Variants in PHKB observed in about 807,000 individuals in gnomAD.
PHKB encodes phosphorylase kinase regulatory subunit beta.
In PHKB, 122 loss-of-function variants were observed where a neutral mutation model predicts 152.1. The ratio of observed to expected loss-of-function variants is 0.80; its 90% CI spans 0.69 to 0.93. PHKB has a LOEUF of 0.93. Ranked by LOEUF, PHKB falls within the 40% of genes least tolerant of loss-of-function variation. The pLI is 0.00. For synonymous variants in PHKB, 436 were observed against 464.9 expected, an observed-to-expected ratio of 0.94 and a Z score of 0.80; for missense variants, 1,304 against 1,328.4, an observed-to-expected ratio of 0.98 and a Z score of 0.29.
At chr16:47,475,667 A>G (rs1472220991) in intron 1 of PHKB, among the ~76,000 whole-genome samples, 2 of 152,218 alleles carry the variant, frequency 1.3e-5, no homozygotes, top group Non-Finnish European at 2.9e-5. Flanking sequence ...TCTCTTAGCA[A>G]ATTCCCATGC....
intron 26 of PHKB, among the ~76,000 whole-genome samples, chr16:47,669,852 A>G (rs954497727): frequency 4.6e-5 from 7 of 152,246 alleles, no homozygotes; most frequent in African/African-American, 1.7e-4. Context: ...ACTGAAATCT[A>G]TTAATTGATT....
Position 47,660,850 on chromosome 16 carries a change from A to C in PHKB, c.2196+31A>C, listed in dbSNP as rs147885836. 5.0e-3 allele frequency: 7,994 copies of C among 1,610,562 alleles called. 34 individuals carry two copies. Among genetic ancestry groups the C allele is most frequent in the Admixed American group, 5.9e-3 (352 of 59,964 alleles). Reference sequence around the variant, plus strand: ...ACAGATGCACTTCCCACATGGCCCTAAGTGAGGTTGCTGGAGCAGAAGCTC... The same window carrying C: ...ACAGATGCACTTCCCACATGGCCCTCAGTGAGGTTGCTGGAGCAGAAGCTC... On this transcript the variant is annotated intron_variant, in intron 22 of 30. Coordinates refer to ENST00000323584, the MANE Select transcript of PHKB (RefSeq NM_000293.3).
chr16:47,500,780 G>T (rs1283511586), intron 3 of PHKB, among the ~76,000 whole-genome samples: 2 of 151,896 alleles, frequency 1.3e-5, no homozygotes, highest in East Asian at 3.9e-4. Flanking sequence ...ACTGAATGTG[G>T]ATGCTAACAC....
At chr16:47,538,780 T>C (rs998237876) in intron 6 of PHKB, among the ~76,000 whole-genome samples, 6 of 152,228 alleles carry the variant, frequency 3.9e-5, no homozygotes, top group Non-Finnish European at 7.3e-5. Flanking sequence ...TGCTTTGATT[T>C]CTCCACCAGT....
intron 12 of PHKB, among the ~76,000 whole-genome samples, chr16:47,596,013 C>A (rs1228403413): frequency 6.6e-6 from 1 of 152,096 alleles, no homozygotes; most frequent in South Asian, 2.1e-4. Context: ...GTATCCCCAC[C>A]CAAAGCTCAG....
chr16:47,488,804 G>A (rs1190319397), intron 1 of PHKB, among the ~76,000 whole-genome samples: 2 of 152,128 alleles, frequency 1.3e-5, no homozygotes, highest in Non-Finnish European at 2.9e-5. Context: ...ATTGGTCTAT[G>A]TGTCTGTTTT....
intron 27 of PHKB, among the ~76,000 whole-genome samples, chr16:47,692,069 A>G (rs1362934371): frequency 2.6e-5 from 4 of 152,230 alleles, no homozygotes; most frequent in African/African-American, 9.6e-5. Context: ...CACTTTGGTG[A>G]AACACTAAAG....
At chr16:47,616,385 A>G (rs1972514272) in intron 14 of PHKB, among the ~76,000 whole-genome samples, 1 of 150,586 alleles carries the variant, frequency 6.6e-6, no homozygotes, top group East Asian at 1.9e-4. Flanking sequence ...CATTCTTTGT[A>G]TGTGGTTATC....
intron 14 of PHKB, among the ~76,000 whole-genome samples, chr16:47,621,904 AGAAAAGTT>A (rs1469929220): frequency 6.6e-6 from 1 of 152,202 alleles, no homozygotes; most frequent in Non-Finnish European, 1.5e-5. Flanking sequence ...TCCAGAACTG[AGAAAAGTT>A]GAATTGGAAG....
chr16:47,665,505 G>A (rs1187188233), intron 25 of PHKB: 1 of 254,158 alleles, frequency 3.9e-6, no homozygotes, highest in Non-Finnish European at 7.7e-6. Context: ...CCAGAGATTT[G>A]GTTATCTAGG....
At chr16:47,632,396 T>A (rs1972843516) in intron 14 of PHKB, among the ~76,000 whole-genome samples, 1 of 151,952 alleles carries the variant, frequency 6.6e-6, no homozygotes, top group Non-Finnish European at 1.5e-5. Context: ...GCAGTTAGAG[T>A]GAAAATGAGG....
chr16:47,526,448 A>T (rs992855317), intron 6 of PHKB, among the ~76,000 whole-genome samples: 1 of 151,968 alleles, frequency 6.6e-6, no homozygotes, highest in African/African-American at 2.4e-5. Flanking sequence ...GATAAGCTCA[A>T]CCTTCAGTTC....
intron 8 of PHKB, 50 bp from the exon 9 acceptor site, chr16:47,587,618 A>G (rs375331612): frequency 7.9e-6 from 11 of 1,400,584 alleles, no homozygotes; most frequent in East Asian, 6.9e-5. Flanking sequence ...CCAAAGTTCT[A>G]CAAGTCTTTT....
intron 14 of PHKB, among the ~76,000 whole-genome samples, chr16:47,631,007 G>A (rs537089440): frequency 4.6e-5 from 7 of 151,944 alleles, no homozygotes; most frequent in Non-Finnish European, 8.8e-5. Context: ...TTAGGCCTTC[G>A]GACTCAGACT....
intron 13 of PHKB, among the ~76,000 whole-genome samples, chr16:47,606,908 G>A (rs1972335048): frequency 1.3e-5 from 2 of 152,002 alleles, no homozygotes; most frequent in Non-Finnish European, 2.9e-5. Context: ...TTATACCCTA[G>A]GATTTTATCA....
intron 15 of PHKB, among the ~76,000 whole-genome samples, 194 bp downstream of exon 15, chr16:47,641,284 T>A (rs1320049526): frequency 1.3e-5 from 2 of 152,202 alleles, no homozygotes; most frequent in Non-Finnish European, 2.9e-5. Flanking sequence ...TAATTTTGTT[T>A]TAGTTGAGGT....
intron 6 of PHKB, among the ~76,000 whole-genome samples, chr16:47,526,502 A>C (rs2151658709): frequency 6.6e-6 from 1 of 152,200 alleles, no homozygotes; most frequent in East Asian, 1.9e-4. Flanking sequence ...TCCTGTAATC[A>C]TATAGCTGGT....
intron 26 of PHKB, 43 bp downstream of exon 26, chr16:47,669,460 G>A: frequency 1.3e-6 from 2 of 1,574,190 alleles, no homozygotes; most frequent in Non-Finnish European, 1.7e-6. Flanking sequence ...AATTGTTCAA[G>A]TTGTCCTCTA....
rs1971682049 is a variant in PHKB at position 47,572,678 on chromosome 16, G to A, written c.711-7617G>A. On this transcript the variant is annotated intron_variant, in intron 7 of 30. Coordinates refer to ENST00000323584, the MANE Select transcript of PHKB (RefSeq NM_000293.3). ...ACCAACTCTGATGGTGGCAGTAGGG[G>A]AGTGGCATAGACTCTGTAAGATTTC... Among the ~76,000 whole-genome samples, 3 of 152,196 alleles carry A rather than the reference G, an allele frequency of 2.0e-5. 1 individual carries two copies. The South Asian group carries it at 6.2e-4, about 32-fold the overall frequency.
Sources: gnomAD v4.1 joint callset for allele counts (sites outside exome capture counted in the v4.1 genomes callset) on GRCh38, gnomAD v4.1.1 for gene constraint, MANE v1.5 for transcripts, NCBI Gene and HGNC (gene_info 2026-07-23, HGNC 2026-07-21) for gene names.